The following ARID1B variants were observed in gnomAD, a reference collection of about 807,000 sequenced individuals.
ARID1B encodes the protein AT-rich interactive domain-containing protein 1B.
In ARID1B, 30 loss-of-function variants were observed where a neutral mutation model predicts 212.3. The observed-to-expected ratio is 0.14, with a 90% CI of 0.11 to 0.19. The LOEUF is 0.19. Ranked by LOEUF, ARID1B falls within the 10% of genes least tolerant of loss-of-function variation. The pLI is 1.00. For missense variants in ARID1B, 2,891 were observed against 3,204.0 expected (o/e 0.90, Z 2.36); for synonymous variants, 1,402 against 1,301.7 (o/e 1.08, Z -1.66).
intron 4 of ARID1B, chr6:156,976,978 G>A (rs1367159905): frequency 1.9e-6 from 1 of 527,768 alleles, no homozygotes; most frequent in African/African-American, 1.9e-5. Context: ...TGCCAGTTTG[G>A]TTTCATTGCA....
intron 4 of ARID1B, among the ~76,000 whole-genome samples, chr6:157,021,268 G>A (rs1301218200): frequency 1.3e-5 from 2 of 152,230 alleles, no homozygotes; most frequent in African/African-American, 4.8e-5. Flanking sequence ...GTACAGCGGG[G>A]AGACTCGCCC....
chr6:157,201,373 C>T lies in ARID1B; in HGVS notation c.5148C>T (p.Thr1716=), dbSNP rs745670548. 5.0e-6 allele frequency: 8 copies of T among 1,608,556 alleles called. No homozygotes were observed. Among genetic ancestry groups the T allele is most frequent in the East Asian group, 4.5e-5 (2 of 44,792 alleles). ...VMPTVPTSQV[T]GPPPQPPPIR... ...CCACGGTCCCCACATCCCAGGTCAC[C>T]GGGCCACCACCCCAACCACCCCCAA... The change falls in exon 18 of 20, where the codon ACC becomes ACT. Residue 1716 remains threonine, a synonymous_variant. Coordinates refer to ENST00000636930, the MANE Select transcript of ARID1B (RefSeq NM_001374828.1). The surrounding 1 kb of genome is among the most constrained non-coding windows in gnomAD (Gnocchi z 5.2).
intron 2 of ARID1B, among the ~76,000 whole-genome samples, chr6:156,870,690 TAGA>T (rs145733419): frequency 0.048 from 7,270 of 150,556 alleles, 607 homozygotes; most frequent in African/African-American, 0.16. Flanking sequence ...CCTGTGAAAA[TAGA>T]AGTACTTGAA....
chr6:156,858,435 CCT>C (rs1562440113), intron 2 of ARID1B, among the ~76,000 whole-genome samples: 2 of 152,012 alleles, frequency 1.3e-5, no homozygotes, highest in Admixed American at 6.6e-5. Context: ...TATTAATTAC[CCT>C]GATTTGATGA....
At chr6:156,789,813 T>A (rs1278307963) in intron 1 of ARID1B, among the ~76,000 whole-genome samples, 1 of 152,200 alleles carries the variant, frequency 6.6e-6, no homozygotes, top group Non-Finnish European at 1.5e-5. Flanking sequence ...TCCTCATTTG[T>A]CAAAGAATGG....
chr6:157,069,097 C>G (rs1783856941), intron 4 of ARID1B, among the ~76,000 whole-genome samples: 1 of 152,052 alleles, frequency 6.6e-6, no homozygotes, highest in Non-Finnish European at 1.5e-5. Context: ...ACGTTTTTAT[C>G]TGAACTACTG....
intron 4 of ARID1B, among the ~76,000 whole-genome samples, chr6:157,043,590 G>A (rs1782028359): frequency 6.6e-6 from 1 of 152,062 alleles, no homozygotes; most frequent in Admixed American, 6.5e-5. Context: ...CAGTGCATAA[G>A]TACTGATGAT....
At chr6:156,849,554 G>T (rs1324316735) in intron 2 of ARID1B, among the ~76,000 whole-genome samples, 5 of 152,168 alleles carry the variant, frequency 3.3e-5, no homozygotes, top group Non-Finnish European at 7.3e-5. Context: ...TAGTCTAAAA[G>T]AGTCAAAATT....
intron 4 of ARID1B, among the ~76,000 whole-genome samples, chr6:157,069,082 G>A (rs559145581): frequency 1.3e-5 from 2 of 152,020 alleles, no homozygotes; most frequent in African/African-American, 2.4e-5. Context: ...TGTTTAACTT[G>A]TATCACGTTT....
Position 156,873,655 on chromosome 6 carries a change from A to C in ARID1B, c.1987-27721A>C, listed in dbSNP as rs528807113. Among the ~76,000 whole-genome samples, 33 of 152,330 alleles carry C rather than the reference A, an allele frequency of 2.2e-4. No homozygotes were observed. The South Asian group carries it at 5.0e-3, about 23-fold the overall frequency. Reference sequence around the variant, plus strand: ...GTGAATTATTCAGCAAATGCAATGGAGTCTTGTGCAGCAGAGCTTTACTGC... The same window carrying C: ...GTGAATTATTCAGCAAATGCAATGGCGTCTTGTGCAGCAGAGCTTTACTGC... On this transcript the variant is annotated intron_variant, in intron 2 of 19. Transcript: ENST00000636930.
intron 2 of ARID1B, among the ~76,000 whole-genome samples, chr6:156,888,950 AGG>A (rs2128183749): frequency 6.6e-6 from 1 of 152,292 alleles, no homozygotes; most frequent in Non-Finnish European, 1.5e-5. Context: ...TTGATACCCT[AGG>A]TGTCAAAGCT....
intron 2 of ARID1B, among the ~76,000 whole-genome samples, chr6:156,868,542 G>T (rs1785877796): frequency 6.6e-6 from 1 of 152,210 alleles, no homozygotes; most frequent in South Asian, 2.1e-4. Context: ...CCTGTTTCCT[G>T]GTTCCGGGAC....
chr6:156,887,067 T>C (rs1787565037), intron 2 of ARID1B, among the ~76,000 whole-genome samples: 1 of 152,190 alleles, frequency 6.6e-6, no homozygotes, highest in South Asian at 2.1e-4. Flanking sequence ...TGTAGAAAGA[T>C]TTATTTATTT....
At chr6:157,067,494 GC>G (rs1171571695) in intron 4 of ARID1B, among the ~76,000 whole-genome samples, 1 of 152,178 alleles carries the variant, frequency 6.6e-6, no homozygotes, top group African/African-American at 2.4e-5. Context: ...GTTTTACGGG[GC>G]TGCATCTTGC....
chr6:156,954,387 A>G (rs1057515009), intron 4 of ARID1B, among the ~76,000 whole-genome samples: 9 of 152,150 alleles, frequency 5.9e-5, no homozygotes, highest in Non-Finnish European at 1.3e-4. Context: ...TCGAAGCAAT[A>G]TGCTCTGACA....
At chr6:156,843,491 ACT>A (rs1784035089) in intron 2 of ARID1B, among the ~76,000 whole-genome samples, 1 of 151,984 alleles carries the variant, frequency 6.6e-6, no homozygotes, top group Non-Finnish European at 1.5e-5. Flanking sequence ...CGGCAGGGAC[ACT>A]CTGCAAAGAG....
intron 1 of ARID1B, among the ~76,000 whole-genome samples, chr6:156,781,126 G>T (rs1247764384): frequency 6.6e-6 from 1 of 152,056 alleles, no homozygotes; most frequent in Non-Finnish European, 1.5e-5. Flanking sequence ...GAGGAGTTTT[G>T]GTTAGAATTG....
At chr6:156,881,578 G>A (rs1031694450) in intron 2 of ARID1B, among the ~76,000 whole-genome samples, 1 of 152,108 alleles carries the variant, frequency 6.6e-6, no homozygotes, top group African/African-American at 2.4e-5. Flanking sequence ...AGGACTGCAC[G>A]GGTTCCCATA....
At chr6:157,147,822 G>T (rs186168608) in intron 7 of ARID1B, among the ~76,000 whole-genome samples, 1 of 11,208 alleles carries the variant, frequency 8.9e-5, no homozygotes, top group African/African-American at 4.7e-4. Flanking sequence ...CCTGCCCGCC[G>T]TCCCCCACCC....
Sources: allele counts gnomAD v4.1 joint callset (sites outside exome capture counted in the v4.1 genomes callset), GRCh38; gene constraint gnomAD v4.1.1; non-coding constraint Gnocchi (gnomAD v3.1); transcripts MANE v1.5; gene names NCBI Gene and HGNC (gene_info 2026-07-23, HGNC 2026-07-21).